The following TLCD4 variants were observed in gnomAD, a reference collection of about 807,000 sequenced individuals.
TLCD4 encodes the protein TLC domain-containing protein 4.
TLCD4 carries 7 observed loss-of-function variants against 24.2 expected under a neutral mutation model. That is an observed-to-expected ratio of 0.29 (90% CI 0.16 to 0.54). TLCD4 has a LOEUF of 0.54. Ranked by LOEUF, TLCD4 falls within the 20% of genes least tolerant of loss-of-function variation. TLCD4 has a pLI of 0.95. For synonymous variants in TLCD4, 103 were observed against 106.4 expected (o/e 0.97, Z 0.20); for missense variants, 259 against 313.9 (o/e 0.82, Z 1.32).
chr1:95,156,019 A>G (rs757889999), intron 5 of TLCD4, among the ~76,000 whole-genome samples: 2 of 152,084 alleles, frequency 1.3e-5, no homozygotes, highest in African/African-American at 2.4e-5. Flanking sequence ...TCTTCTGAAT[A>G]TAGATGTTGG....
chr1:95,165,350 T>C (rs944816692), intron 5 of TLCD4, among the ~76,000 whole-genome samples: 12 of 152,206 alleles, frequency 7.9e-5, no homozygotes, highest in Non-Finnish European at 1.6e-4. Flanking sequence ...TTCAGTGTCA[T>C]AGGTAACTTT....
intron 6 of TLCD4, among the ~76,000 whole-genome samples, chr1:95,181,114 T>G (rs1571780893): frequency 6.6e-6 from 1 of 151,974 alleles, no homozygotes; most frequent in East Asian, 1.9e-4. Flanking sequence ...AACAAAAAAT[T>G]ATTACCTCAT....
intron 1 of TLCD4, among the ~76,000 whole-genome samples, chr1:95,127,429 A>G (rs1676771008): frequency 6.6e-6 from 1 of 152,168 alleles, no homozygotes. Flanking sequence ...CTGACTTCCT[A>G]GGTAGCTTGG....
At chr1:95,143,697 C>T in intron 1 of TLCD4, among the ~76,000 whole-genome samples, 194 bp from the exon 2 acceptor site, 1 of 151,932 alleles carries the variant, frequency 6.6e-6, no homozygotes, top group South Asian at 2.1e-4. Context: ...ATAAAACAGA[C>T]ATAAGATACA....
chr1:95,135,758 CAG>C (rs144764547), intron 1 of TLCD4, among the ~76,000 whole-genome samples: 13,389 of 152,064 alleles, frequency 0.088, 649 homozygotes, highest in African/African-American at 0.11. Flanking sequence ...GTTTTTGAGA[CAG>C]GGTCTCATTC....
chr1:95,157,983 C>T (rs12059141), intron 5 of TLCD4, among the ~76,000 whole-genome samples: 112 of 152,186 alleles, frequency 7.4e-4, no homozygotes, highest in African/African-American at 2.5e-3. Context: ...AGACACTATC[C>T]GTATCTTGAT....
chr1:95,105,908 A>AAAAAAAAAAAAAAAAAAAAAAG, the TLCD4 span, among the ~76,000 whole-genome samples: 1 of 150,302 alleles, frequency 6.7e-6, no homozygotes, highest in Non-Finnish European at 1.5e-5. Flanking sequence ...AAAAAAAAAA[A>AAAAAAAAAAAAAAAAAAAAAAG]AAAAGAAAAG....
intron 5 of TLCD4, among the ~76,000 whole-genome samples, chr1:95,152,185 T>C (rs1315615204): frequency 6.6e-6 from 1 of 152,074 alleles, no homozygotes; most frequent in Non-Finnish European, 1.5e-5. Context: ...AAAAGTTAGA[T>C]GAAATGATGA....
the TLCD4 span, among the ~76,000 whole-genome samples, chr1:95,110,190 C>A: frequency 6.6e-6 from 1 of 151,024 alleles, no homozygotes; most frequent in Non-Finnish European, 1.5e-5. Context: ...GACAGTTTTA[C>A]ACTTTTTTTG....
At chr1:95,113,183 C>T (rs183257795), upstream of TLCD4, among the ~76,000 whole-genome samples, 1,488 of 151,920 alleles carry the variant, frequency 9.8e-3, 10 homozygotes, top group Non-Finnish European at 0.016. Flanking sequence ...GCTGGGATTA[C>T]AGGCGTGCGC....
chr1:95,139,277 C>A (rs1247617095), intron 1 of TLCD4, among the ~76,000 whole-genome samples: 4 of 150,954 alleles, frequency 2.6e-5, no homozygotes, highest in Admixed American at 6.6e-5. Context: ...CTAGGTGAAT[C>A]ACTGAGTGAG....
chr1:95,102,093 G>T, the TLCD4 span, among the ~76,000 whole-genome samples: 4 of 152,162 alleles, frequency 2.6e-5, no homozygotes, highest in African/African-American at 9.7e-5. Context: ...TTCTGAAGAG[G>T]CATGAAGTTG....
At chr1:95,171,896 A>G (rs1462733296) in intron 5 of TLCD4, among the ~76,000 whole-genome samples, 1 of 152,128 alleles carries the variant, frequency 6.6e-6, no homozygotes, top group Admixed American at 6.5e-5. Flanking sequence ...GTTAGTTAAG[A>G]TGAGTTTGTA....
intron 6 of TLCD4, among the ~76,000 whole-genome samples, chr1:95,179,282 C>CA (rs1678552337): frequency 6.6e-6 from 1 of 152,220 alleles, no homozygotes; most frequent in South Asian, 2.1e-4. Context: ...TTTAGTAGAA[C>CA]ATTTTTATTA....
Position 95,196,669 on chromosome 1 carries a change from TC to T in TLCD4, c.*4802del, listed in dbSNP as rs2101037187. 6.6e-6 allele frequency: 1 copy of T among 152,342 alleles called. No individual in the cohort carries two copies. The highest frequency in any genetic ancestry group is 1.5e-5 in the Non-Finnish European group (1 of 68,026). The allele number at this position is 152,342 out of a possible 1,614,324, so 9.4% of individuals were successfully genotyped here. A position where few individuals can be genotyped will look rare whatever the true frequency, so the allele number is the denominator to read the frequency against. On this transcript the variant is annotated 3_prime_UTR_variant, in exon 7 of 7. Coordinates refer to ENST00000370203, the MANE Select transcript of TLCD4 (RefSeq NM_152487.3). ...ACATAAGACCAAAACCAGAAATATT[TC>T]TAAATCTCAAAGATTTATAAGTACA...
At chr1:95,169,635 A>AT (rs35581795) in intron 5 of TLCD4, among the ~76,000 whole-genome samples, 2 of 151,786 alleles carry the variant, frequency 1.3e-5, no homozygotes, top group African/African-American at 4.8e-5. Flanking sequence ...ATACTTCATG[A>AT]TTTTTTTTTT....
chr1:95,185,402 A>T (rs560162100), intron 6 of TLCD4, among the ~76,000 whole-genome samples: 82 of 152,328 alleles, frequency 5.4e-4, no homozygotes, highest in African/African-American at 1.8e-3. Flanking sequence ...AGTGGAAGGA[A>T]TTCATGGTTG....
upstream of TLCD4, among the ~76,000 whole-genome samples, chr1:95,116,012 G>A (rs1439874621): frequency 6.6e-6 from 1 of 152,194 alleles, no homozygotes; most frequent in Non-Finnish European, 1.5e-5. Flanking sequence ...AAGGGACTAT[G>A]ATGGGACACC....
At chr1:95,171,941 G>GGTCTCCTTGTGAAAAGGGGAAATTT in intron 5 of TLCD4, among the ~76,000 whole-genome samples, 1 of 152,218 alleles carries the variant, frequency 6.6e-6, no homozygotes, top group African/African-American at 2.4e-5. Flanking sequence ...CACTATGACT[G>GGTCTCCTTGTGAAAAGGGGAAATTT]GTCTCCTTGT....
Sources: gnomAD v4.1 joint callset for allele counts (sites outside exome capture counted in the v4.1 genomes callset) on GRCh38, gnomAD v4.1.1 for gene constraint, MANE v1.5 for transcripts, NCBI Gene and HGNC (gene_info 2026-07-23, HGNC 2026-07-21) for gene names.